PAQR5: variants seen among roughly 807,000 people sequenced by gnomAD.
The protein encoded by PAQR5 is progestin and adipoQ receptor family member 5.
Under a neutral mutation model 34.5 loss-of-function variants are expected in PAQR5, and 20 were observed. The observed-to-expected ratio is 0.58, with a 90% CI of 0.41 to 0.84. PAQR5 has a LOEUF of 0.84. PAQR5 is among the 40% of genes least tolerant of loss of function. PAQR5 has a pLI of 0.00. For missense variants in PAQR5, 378 were observed against 412.7 expected (o/e 0.92, Z 0.73); for synonymous variants, 131 against 155.6 (o/e 0.84, Z 1.18).
intron 1 of PAQR5, among the ~76,000 whole-genome samples, chr15:69,306,683 G>C (rs1014706713): frequency 1.3e-5 from 2 of 152,080 alleles, no homozygotes; most frequent in African/African-American, 4.8e-5. Flanking sequence ...GATTACAGGT[G>C]TGAGCCACCG....
chr15:69,299,560 G>T (rs113603495), intron 1 of PAQR5, among the ~76,000 whole-genome samples: 14,168 of 152,264 alleles, frequency 0.093, 742 homozygotes, highest in East Asian at 0.14. Flanking sequence ...TGCGGGGGTC[G>T]TCCCGGCCCT....
chr15:69,382,688 A>G (rs868266640), intron 4 of PAQR5, among the ~76,000 whole-genome samples: 10 of 89,304 alleles, frequency 1.1e-4, no homozygotes, highest in Admixed American at 4.9e-4. Context: ...ATATATATAT[A>G]TATATATATA....
At chr15:69,382,800 CCATATATATATATATATATATATATATAT>C (rs2055944448) in intron 4 of PAQR5, 1 of 3,914 alleles carries the variant, frequency 2.6e-4, no homozygotes, top group African/African-American at 1.2e-3. Flanking sequence ...ATATATATGA[CCATATATATATATATATATATATATATAT>C]ATATATATAT....
At chr15:69,326,270 A>G (rs570647781) in intron 1 of PAQR5, among the ~76,000 whole-genome samples, 37 of 152,262 alleles carry the variant, frequency 2.4e-4, no homozygotes, top group Middle Eastern at 6.8e-3. Context: ...GCCTGGCAGG[A>G]GTAGTGAGGC....
At chr15:69,362,656 G>A (rs558620326) in intron 3 of PAQR5, among the ~76,000 whole-genome samples, 4 of 152,144 alleles carry the variant, frequency 2.6e-5, no homozygotes, top group Admixed American at 1.3e-4. Flanking sequence ...GCCTCCTGGG[G>A]TTGTGAGAAT....
chr15:69,396,722 C>T (rs1030322537), intron 6 of PAQR5, among the ~76,000 whole-genome samples: 28 of 152,180 alleles, frequency 1.8e-4, no homozygotes, highest in African/African-American at 6.8e-4. Flanking sequence ...GCTGTCTGTG[C>T]TACCCAGTTC....
intron 2 of PAQR5, among the ~76,000 whole-genome samples, chr15:69,347,247 G>A (rs780586939): frequency 6.6e-6 from 1 of 152,168 alleles, no homozygotes; most frequent in Non-Finnish European, 1.5e-5. Flanking sequence ...TCCCACTTTT[G>A]AAACAGGAGG....
At chr15:69,363,138 A>G (rs1026800904) in intron 3 of PAQR5, among the ~76,000 whole-genome samples, 1 of 152,038 alleles carries the variant, frequency 6.6e-6, no homozygotes, top group African/African-American at 2.4e-5. Context: ...GGGCCACTTC[A>G]CTACCCTGTC....
Position 69,307,123 on chromosome 15 carries a change from C to T in PAQR5, c.-277+8067C>T, listed in dbSNP as rs976880424. Among the ~76,000 whole-genome samples the T allele has an allele frequency of 4.0e-5, 6 of 148,150 alleles. No individual in the cohort carries two copies. In the Admixed American group the frequency reaches 4.1e-4, roughly 10 times the overall value. On this transcript the variant is annotated intron_variant, in intron 1 of 8. Transcript: ENST00000395407. ...ATTTTTTTTTTTTTTGAGAGATAGT[C>T]TCGCTCTGTCACCCAGGCTGGAGTG...
chr15:69,354,197 T>G (rs1395003781), intron 2 of PAQR5, among the ~76,000 whole-genome samples: 1 of 152,232 alleles, frequency 6.6e-6, no homozygotes, highest in Admixed American at 6.5e-5. Flanking sequence ...AGGTGCTTAC[T>G]GAAGGCAAAG....
chr15:69,401,955 A>T (rs184880150), intron 8 of PAQR5, among the ~76,000 whole-genome samples: 148 of 152,278 alleles, frequency 9.7e-4, no homozygotes, highest in African/African-American at 3.3e-3. Context: ...CTGGTCTCAA[A>T]ACTCCTGGGT....
In PAQR5 at chr15:69,404,051, G is replaced by T; in HGVS notation, c.*229G>T. On this transcript the variant is annotated 3_prime_UTR_variant, in exon 9 of 9. Coordinates refer to ENST00000395407, the MANE Select transcript of PAQR5 (RefSeq NM_017705.4). The stretch of plus-strand genomic sequence containing the variant: ...GAGAATATGGTTCAAGCAAGTCCTT[G>T]TTAAGGCAAACTATTGATATTTCAT... 1 of 480,922 alleles carries T rather than the reference G, an allele frequency of 2.1e-6. No homozygotes were observed. The allele number at this position is 480,922 out of a possible 1,614,324, so 29.8% of individuals were successfully genotyped here.
intron 5 of PAQR5, among the ~76,000 whole-genome samples, chr15:69,386,025 CACAT>C (rs1427927497): frequency 1.3e-5 from 2 of 151,278 alleles, no homozygotes; most frequent in South Asian, 2.1e-4. Context: ...AAACACACAT[CACAT>C]ACACACAATA....
At chr15:69,357,683 T>C (rs1036574604) in intron 2 of PAQR5, among the ~76,000 whole-genome samples, 1 of 152,232 alleles carries the variant, frequency 6.6e-6, no homozygotes, top group Non-Finnish European at 1.5e-5. Context: ...ATGCTTCTAT[T>C]ACTGTTTTTA....
chr15:69,366,609 T>C (rs913120480), intron 3 of PAQR5, among the ~76,000 whole-genome samples: 1 of 152,218 alleles, frequency 6.6e-6, no homozygotes, highest in African/African-American at 2.4e-5. Flanking sequence ...TCAGACTAGC[T>C]TGATGGCCTA....
At chr15:69,313,995 C>T (rs938890105) in intron 1 of PAQR5, among the ~76,000 whole-genome samples, 10 of 152,162 alleles carry the variant, frequency 6.6e-5, no homozygotes, top group African/African-American at 2.4e-4. Flanking sequence ...CCTCCCCAAG[C>T]GCCCAGGGAA....
At chr15:69,319,706 G>A (rs1038801329) in intron 1 of PAQR5, among the ~76,000 whole-genome samples, 3 of 152,096 alleles carry the variant, frequency 2.0e-5, no homozygotes, top group Non-Finnish European at 4.4e-5. Context: ...ACTTAGACTC[G>A]ATTTGGACAT....
intron 2 of PAQR5, among the ~76,000 whole-genome samples, chr15:69,338,077 A>AAAAC (rs966051038): frequency 3.3e-5 from 5 of 152,136 alleles, no homozygotes; most frequent in Non-Finnish European, 7.3e-5. Flanking sequence ...ACTCTGTCTC[A>AAAAC]AAACAAACAA....
At chr15:69,317,414 A>G (rs911147225) in intron 1 of PAQR5, among the ~76,000 whole-genome samples, 1 of 151,796 alleles carries the variant, frequency 6.6e-6, no homozygotes, top group Non-Finnish European at 1.5e-5. Flanking sequence ...GACCCCTAGT[A>G]CCCTCCAGTC....
Sources: allele counts gnomAD v4.1 joint callset (sites outside exome capture counted in the v4.1 genomes callset), GRCh38; gene constraint gnomAD v4.1.1; transcripts MANE v1.5; gene names NCBI Gene and HGNC (gene_info 2026-07-23, HGNC 2026-07-21).